CLYBL: variants seen among roughly 807,000 people sequenced by gnomAD.
The protein encoded by CLYBL is citramalyl-CoA lyase.
A neutral mutation model predicts 38.9 loss-of-function variants in CLYBL; 31 were observed. The observed-to-expected ratio is 0.80, with a 90% CI of 0.60 to 1.08. The LOEUF (loss-of-function observed/expected upper bound fraction) is 1.08, where lower values mean the gene tolerates loss of function less well. Ranked by LOEUF, CLYBL falls within the 50% of genes least tolerant of loss-of-function variation. The probability of loss-of-function intolerance (pLI) is 0.00; values close to 1 mark genes in which losing one functional copy is unlikely to be tolerated. For missense variants in CLYBL, 434 were observed against 411.6 expected (o/e 1.05, Z -0.47); for synonymous variants, 171 against 158.6 (o/e 1.08, Z -0.59).
intron 1 of CLYBL, among the ~76,000 whole-genome samples, chr13:99,770,026 G>A (rs1345228375): frequency 6.6e-6 from 1 of 151,596 alleles, no homozygotes; most frequent in Non-Finnish European, 1.5e-5. Flanking sequence ...TATCTAGGGA[G>A]AGTAAAACAT....
intron 1 of CLYBL, among the ~76,000 whole-genome samples, chr13:99,671,708 A>G (rs1462980457): frequency 6.6e-6 from 1 of 151,622 alleles, no homozygotes; most frequent in Non-Finnish European, 1.5e-5. Flanking sequence ...TGAACCTAAG[A>G]GGCAGAGGTT....
Position 99,866,276 on chromosome 13 carries a change from A to T in CLYBL, c.671A>T (p.Tyr224Phe), listed in dbSNP as rs779992460. Reference sequence around the variant, plus strand: ...AGTAAAGAAACCCTGGATATTCTCTACGCCCGGCAAAAGATTGTTGTCATA... The same window carrying T: ...AGTAAAGAAACCCTGGATATTCTCTTCGCCCGGCAAAAGATTGTTGTCATA... ...TSSKETLDIL[Y>F]ARQKIVVIAK... Residue 224 changes from tyrosine to phenylalanine, a missense_variant, in exon 6 of 9, where the codon TAC becomes TTC. Tyr to Phe is a conservative substitution (Grantham distance 22, BLOSUM62 3). Coordinates refer to ENST00000339105, the MANE Select transcript of CLYBL (RefSeq NM_206808.5). The T allele has an allele frequency of 6.2e-7, 1 of 1,613,882 alleles. No individual in the cohort carries two copies. Among genetic ancestry groups the T allele is most frequent in the Non-Finnish European group, 8.5e-7 (1 of 1,180,020 alleles).
intron 1 of CLYBL, among the ~76,000 whole-genome samples, chr13:99,718,109 G>A (rs2048344817): frequency 1.3e-5 from 2 of 151,942 alleles, no homozygotes; most frequent in Non-Finnish European, 2.9e-5. Flanking sequence ...TAACTCCTGG[G>A]CTCAAGTGAT....
intron 1 of CLYBL, among the ~76,000 whole-genome samples, chr13:99,614,685 T>A (rs1449658099): frequency 6.6e-6 from 1 of 152,110 alleles, no homozygotes; most frequent in East Asian, 1.9e-4. Flanking sequence ...CATACCGTTA[T>A]CCTGTGGTAG....
chr13:99,686,512 CAGAGAGAGAG>C (rs34750084), intron 1 of CLYBL, among the ~76,000 whole-genome samples: 1 of 150,104 alleles, frequency 6.7e-6, no homozygotes, highest in Non-Finnish European at 1.5e-5. Flanking sequence ...TTTGTTTCAA[CAGAGAGAGAG>C]AGAGAGAGAG....
chr13:99,650,362 C>T (rs566502944), intron 1 of CLYBL, among the ~76,000 whole-genome samples: 64 of 152,164 alleles, frequency 4.2e-4, no homozygotes, highest in African/African-American at 1.1e-3. Context: ...TTTAAGGCTA[C>T]GGTGAACTAT....
chr13:99,744,773 C>T (rs1165869495), intron 1 of CLYBL, among the ~76,000 whole-genome samples: 2 of 152,266 alleles, frequency 1.3e-5, no homozygotes, highest in African/African-American at 2.4e-5. Context: ...AACAAAGGAG[C>T]AATAGAGGGC....
At chr13:99,759,740 T>A (rs947631655) in intron 1 of CLYBL, among the ~76,000 whole-genome samples, 12 of 152,198 alleles carry the variant, frequency 7.9e-5, no homozygotes, top group African/African-American at 2.9e-4. Flanking sequence ...GGATGAGCTT[T>A]CATCTGTGAG....
chr13:99,817,464 C>A (rs2050476002), intron 2 of CLYBL, among the ~76,000 whole-genome samples: 1 of 151,636 alleles, frequency 6.6e-6, no homozygotes, highest in Admixed American at 6.6e-5. Flanking sequence ...TGAGACCATC[C>A]TGGCTAACAC....
rs77291435 is a variant in CLYBL, at chr13:99,828,861, A to G, written c.250-30000A>G. On this transcript the variant is annotated intron_variant, in intron 2 of 8. Coordinates refer to ENST00000339105, the MANE Select transcript of CLYBL (RefSeq NM_206808.5). ...GAGGGCGGCAGAGGTGCCAGGCTCC[A>G]TCACGGTGTCCAAAAATTGGCTTTG... Among the ~76,000 whole-genome samples the G allele has an allele frequency of 8.9e-3, 1,357 of 152,232 alleles. 32 individuals are homozygous for G. The highest frequency in any genetic ancestry group is 0.051 in the Admixed American group (786 of 15,292).
intron 1 of CLYBL, among the ~76,000 whole-genome samples, chr13:99,685,916 T>C (rs1055373319): frequency 2.6e-5 from 4 of 152,004 alleles, no homozygotes; most frequent in African/African-American, 9.7e-5. Context: ...GAGCGGAGAT[T>C]GCGCCATTGC....
rs1594231502 is a variant in CLYBL at position 99,864,858 on chromosome 13, G to A, written c.581G>A (p.Gly194Asp). 1 of 1,614,034 alleles carries A rather than the reference G, an allele frequency of 6.2e-7. No individual in the cohort carries two copies. The highest frequency in any genetic ancestry group is 8.5e-7 in the Non-Finnish European group (1 of 1,179,962). ...EETLKVGPQV[G>D]LFLDAVVFGG... The stretch of plus-strand genomic sequence containing the variant: ...ACCCTGAAGGTCGGGCCTCAAGTAG[G>A]TCTCTTTCTAGATGCAGTCGTTTTT... The change falls in exon 5 of 9, where the codon GGT (glycine) becomes GAT (aspartate). Residue 194 changes from glycine (G) to aspartate (D), a missense_variant. By Grantham distance (94) the Gly-to-Asp change is moderately conservative (BLOSUM62 -1). Coordinates refer to ENST00000339105, the MANE Select transcript of CLYBL (RefSeq NM_206808.5).
rs4771346 is a variant in CLYBL, at chr13:99,862,939, C to T, written c.439-52C>T. The T allele has an allele frequency of 3.1e-3, 3,172 of 1,038,982 alleles. 5 individuals carry two copies. The highest frequency in any genetic ancestry group is 3.8e-3 in the Non-Finnish European group (2,605 of 682,230). The allele number at this position is 1,038,982 out of a possible 1,614,324, so 64.4% of individuals were successfully genotyped here. A position where few individuals can be genotyped will look rare whatever the true frequency, so the allele number is the denominator to read the frequency against. On this transcript the variant is annotated intron_variant, in intron 3 of 8. Transcript: ENST00000339105. Reference sequence around the variant, plus strand: ...AATACTACTTCTGGGTCTACATTTCCGTGATTGTACATTTTTTCCCCACTA... The same window carrying T: ...AATACTACTTCTGGGTCTACATTTCTGTGATTGTACATTTTTTCCCCACTA...
At chr13:99,730,514 G>T (rs947711454) in intron 1 of CLYBL, among the ~76,000 whole-genome samples, 10 of 152,172 alleles carry the variant, frequency 6.6e-5, no homozygotes, top group Non-Finnish European at 1.3e-4. Flanking sequence ...CTCAAGACAG[G>T]CCATGCCAGG....
intron 1 of CLYBL, among the ~76,000 whole-genome samples, chr13:99,724,372 G>A (rs1019650942): frequency 1.3e-5 from 2 of 151,974 alleles, no homozygotes; most frequent in African/African-American, 4.8e-5. Context: ...ATATAATCTT[G>A]CATATTAAAC....
At chr13:99,628,369 G>A (rs1407171129) in intron 1 of CLYBL, among the ~76,000 whole-genome samples, 1 of 152,174 alleles carries the variant, frequency 6.6e-6, no homozygotes, top group African/African-American at 2.4e-5. Flanking sequence ...AAGTGATATA[G>A]TAGACCTTGT....
At chr13:99,647,455 C>T (rs949483024) in intron 1 of CLYBL, among the ~76,000 whole-genome samples, 14 of 151,808 alleles carry the variant, frequency 9.2e-5, no homozygotes, top group Admixed American at 9.2e-4. Context: ...ATCACAACTC[C>T]ATAGTGGGAA....
chr13:99,786,605 A>G (rs924834649), intron 2 of CLYBL, among the ~76,000 whole-genome samples: 7 of 152,114 alleles, frequency 4.6e-5, no homozygotes, highest in Non-Finnish European at 1.0e-4. Flanking sequence ...CCAGTCTGTC[A>G]TTGATGGACA....
intron 1 of CLYBL, among the ~76,000 whole-genome samples, chr13:99,670,897 C>T (rs1376671763): frequency 6.6e-6 from 1 of 152,152 alleles, no homozygotes; most frequent in African/African-American, 2.4e-5. Flanking sequence ...CATGTCACTT[C>T]CCTGCATATC....
Sources: allele counts gnomAD v4.1 joint callset (sites outside exome capture counted in the v4.1 genomes callset), GRCh38; gene constraint gnomAD v4.1.1; transcripts MANE v1.5; gene names NCBI Gene and HGNC (gene_info 2026-07-23, HGNC 2026-07-21).